GALNT14: variants seen among roughly 807,000 people sequenced by gnomAD.
GALNT14 encodes UDP-GalNAc:polypeptide N-acetylgalactosaminyltransferase 14.
GALNT14 carries 60 observed loss-of-function variants against 77.5 expected under a neutral mutation model. The observed-to-expected ratio is 0.77, with a 90% CI of 0.63 to 0.96. GALNT14 has a LOEUF of 0.96. GALNT14 is among the 40% of genes least tolerant of loss of function. The probability of loss-of-function intolerance (pLI) is 0.00; values close to 1 mark genes in which losing one functional copy is unlikely to be tolerated. For synonymous variants in GALNT14, 280 were observed against 281.7 expected (o/e 0.99, Z 0.06); for missense variants, 710 against 731.0 (o/e 0.97, Z 0.33).
chr2:30,893,390 C>A, the GALNT14 span, among the ~76,000 whole-genome samples: 1 of 152,118 alleles, frequency 6.6e-6, no homozygotes, highest in Non-Finnish European at 1.5e-5. Context: ...GAAAAAAATA[C>A]TGAGGCTATT....
rs10167780 is a variant in GALNT14 at position 30,956,312 on chromosome 2, G to A, written c.467-335C>T. ...TGGGGACATTTCTCTTTTCTTTTTT[G>A]TTATTTTTCTCTTTAAACAATTTTT... On this transcript the variant is annotated intron_variant, in intron 4 of 14. Coordinates refer to ENST00000349752, the MANE Select transcript of GALNT14 (RefSeq NM_024572.4). 9.8e-3 allele frequency among the ~76,000 whole-genome samples: 1,492 copies of A among 152,046 alleles called. 24 individuals are homozygous for A. Among genetic ancestry groups the A allele is most frequent in the African/African-American group, 0.034 (1,428 of 41,472 alleles).
chr2:31,084,190 G>T (rs1401480168), intron 1 of GALNT14, among the ~76,000 whole-genome samples: 1 of 152,132 alleles, frequency 6.6e-6, no homozygotes, highest in East Asian at 1.9e-4. Context: ...CAACACAACC[G>T]ATTATTATGC....
chr2:31,021,963 G>T (rs1016638416), intron 1 of GALNT14, among the ~76,000 whole-genome samples: 8 of 152,320 alleles, frequency 5.3e-5, no homozygotes, highest in African/African-American at 1.7e-4. Context: ...TAGGGATGTT[G>T]TCATAATCAA....
chr2:30,944,330 G>T (rs1666558789), intron 8 of GALNT14, among the ~76,000 whole-genome samples: 1 of 152,190 alleles, frequency 6.6e-6, no homozygotes, highest in Admixed American at 6.5e-5. Context: ...GAGAATGTGG[G>T]TCAGTACAAA....
intron 1 of GALNT14, among the ~76,000 whole-genome samples, chr2:31,076,612 C>CATATATATATATATATAT (rs59824499): frequency 4.2e-5 from 6 of 143,332 alleles, no homozygotes; most frequent in African/African-American, 1.5e-4. Flanking sequence ...GGTGTGTATA[C>CATATATATATATATATAT]ATATATATAT....
At chr2:30,907,553 CTG>C (rs1218853636), downstream of GALNT14, among the ~76,000 whole-genome samples, 3 of 152,108 alleles carry the variant, frequency 2.0e-5, no homozygotes, top group Non-Finnish European at 4.4e-5. Context: ...GGATCTGAAA[CTG>C]TGGCAATAAT....
intron 2 of GALNT14, among the ~76,000 whole-genome samples, chr2:30,976,047 A>G (rs1246500107): frequency 6.6e-6 from 1 of 152,172 alleles, no homozygotes; most frequent in South Asian, 2.1e-4. Context: ...TGGCATCTGA[A>G]AGAACTGTTC....
chr2:30,948,003 T>C (rs370586768), intron 6 of GALNT14, among the ~76,000 whole-genome samples: 67 of 152,192 alleles, frequency 4.4e-4, no homozygotes, highest in Non-Finnish European at 8.5e-4. Context: ...CTGGGGCTCT[T>C]GGGCCACTGT....
chr2:31,096,832 A>G (rs1460209201), intron 1 of GALNT14, among the ~76,000 whole-genome samples: 1 of 152,142 alleles, frequency 6.6e-6, no homozygotes, highest in East Asian at 1.9e-4. Context: ...ACCACCATCC[A>G]ACCACATCAC....
At chr2:31,014,215 A>G (rs1671206846) in intron 1 of GALNT14, among the ~76,000 whole-genome samples, 1 of 152,232 alleles carries the variant, frequency 6.6e-6, no homozygotes, top group African/African-American at 2.4e-5. Flanking sequence ...GTCAATTAAG[A>G]GGAGAAGCTG....
At chr2:31,053,251 A>G (rs1034488115) in intron 1 of GALNT14, among the ~76,000 whole-genome samples, 1 of 152,048 alleles carries the variant, frequency 6.6e-6, no homozygotes, top group African/African-American at 2.4e-5. Context: ...CACTGTCTGT[A>G]CCCCAACATA....
At chr2:31,048,247 G>A (rs747576619) in intron 1 of GALNT14, among the ~76,000 whole-genome samples, 1 of 152,202 alleles carries the variant, frequency 6.6e-6, no homozygotes, top group Non-Finnish European at 1.5e-5. Flanking sequence ...GTGGTATAGG[G>A]GTAGGAAGCC....
chr2:31,125,381 T>C (rs532457097), intron 1 of GALNT14: 34 of 698,586 alleles, frequency 4.9e-5, no homozygotes, highest in Non-Finnish European at 7.8e-5. Flanking sequence ...GATCCAGCCT[T>C]GAAAGAGCCC....
intron 1 of GALNT14, among the ~76,000 whole-genome samples, chr2:31,076,627 ATATT>A (rs1479975483): frequency 3.7e-4 from 44 of 120,072 alleles, no homozygotes; most frequent in African/African-American, 8.9e-4. Context: ...ATATATATAT[ATATT>A]TTTTTTTTTT....
At chr2:30,936,490 T>C (rs1278049990) in intron 9 of GALNT14, among the ~76,000 whole-genome samples, 1 of 152,204 alleles carries the variant, frequency 6.6e-6, no homozygotes. Flanking sequence ...TGTGTGTGTA[T>C]TGTGTATACA....
intron 2 of GALNT14, chr2:30,991,082 GAAGTT>G (rs1406955749): frequency 3.9e-5 from 6 of 152,108 alleles, no homozygotes; most frequent in Non-Finnish European, 8.8e-5. Context: ...AATGGTAGAA[GAAGTT>G]AAGTGTAGAA....
rs553268016 is a variant in GALNT14 at position 31,015,526 on chromosome 2, C to T, written c.130-22519G>A. ...AGAATGTCTGCAAAGTCTCAAAGTA[C>T]ATCCTCCAATGTACTAATGGCAAAA... On this transcript the variant is annotated intron_variant, in intron 1 of 14. Coordinates refer to ENST00000349752, the MANE Select transcript of GALNT14 (RefSeq NM_024572.4). Among the ~76,000 whole-genome samples, 5 of 152,268 alleles carry T rather than the reference C, an allele frequency of 3.3e-5. No homozygotes were observed. The East Asian group carries it at 5.8e-4, about 18-fold the overall frequency.
chr2:31,104,360 G>T (rs940523308), intron 1 of GALNT14, among the ~76,000 whole-genome samples: 3 of 152,110 alleles, frequency 2.0e-5, no homozygotes, highest in African/African-American at 7.2e-5. Flanking sequence ...GATAGAAACA[G>T]ATATACATTT....
rs1468509088 is a variant in GALNT14 at position 31,138,165 on chromosome 2, T to A, written c.-79A>T. ...GCGGTCAGGGTTGGCGGGGCAGGAG[T>A]CCTGGCGAGCGCCTCGCTCTGGGGA... On this transcript the variant is annotated 5_prime_UTR_variant, in exon 1 of 15. Transcript: ENST00000349752. The A allele has an allele frequency of 3.8e-6, 6 of 1,588,240 alleles. No individual in the cohort carries two copies. The East Asian group carries it at 9.0e-5, about 24-fold the overall frequency.
Sources: allele counts gnomAD v4.1 joint callset (sites outside exome capture counted in the v4.1 genomes callset), GRCh38; gene constraint gnomAD v4.1.1; transcripts MANE v1.5; gene names NCBI Gene and HGNC (gene_info 2026-07-23, HGNC 2026-07-21).